GALNT14: variants seen among roughly 807,000 people sequenced by gnomAD.
GALNT14 encodes the protein polypeptide N-acetylgalactosaminyltransferase 14, also known as UDP-GalNAc:polypeptide N-acetylgalactosaminyltransferase 14.
Under a neutral mutation model 77.5 loss-of-function variants are expected in GALNT14, and 60 were observed. The observed-to-expected ratio is 0.77, with a 90% CI of 0.63 to 0.96. The LOEUF is 0.96. Among genes scored for constraint, GALNT14 ranks in the 40% least tolerant of loss-of-function variants. The pLI is 0.00. For missense variants in GALNT14, 710 were observed against 731.0 expected (o/e 0.97, Z 0.33); for synonymous variants, 280 against 281.7 (o/e 0.99, Z 0.06).
chr2:30,989,594 ATTAGTAGATAT>A (rs1558471234), intron 2 of GALNT14, among the ~76,000 whole-genome samples: 4 of 129,124 alleles, frequency 3.1e-5, no homozygotes, highest in African/African-American at 1.1e-4. Context: ...AAATATATAT[ATTAGTAGATAT>A]ATAAAAATAT....
intron 10 of GALNT14, among the ~76,000 whole-genome samples, chr2:30,930,886 C>T (rs1665686152): frequency 6.6e-6 from 1 of 152,360 alleles, no homozygotes; most frequent in Admixed American, 6.5e-5. Context: ...ACGGAATGAC[C>T]TACCAGTGTC....
At chr2:30,979,147 T>C (rs1467539491) in intron 2 of GALNT14, among the ~76,000 whole-genome samples, 2 of 152,236 alleles carry the variant, frequency 1.3e-5, no homozygotes, top group African/African-American at 4.8e-5. Flanking sequence ...GGAGTGATCC[T>C]TCTGCATTTA....
intron 3 of GALNT14, among the ~76,000 whole-genome samples, chr2:30,962,099 C>T (rs1246109272): frequency 6.6e-6 from 1 of 152,192 alleles, no homozygotes; most frequent in Non-Finnish European, 1.5e-5. Context: ...TAGAACTCTG[C>T]TGTCTGCCAG....
intron 10 of GALNT14, among the ~76,000 whole-genome samples, chr2:30,930,398 T>G (rs187971784): frequency 1.3e-5 from 2 of 152,348 alleles, no homozygotes; most frequent in Non-Finnish European, 2.9e-5. Flanking sequence ...GTAATCAGGC[T>G]TCTCTTTCCA....
chr2:31,028,196 G>A (rs1486510197), intron 1 of GALNT14, among the ~76,000 whole-genome samples: 1 of 152,206 alleles, frequency 6.6e-6, no homozygotes, highest in Non-Finnish European at 1.5e-5. Flanking sequence ...GCTCAGGTGA[G>A]GTTGCTTGGC....
chr2:31,001,529 G>T (rs144860321), intron 1 of GALNT14, among the ~76,000 whole-genome samples: 3 of 152,254 alleles, frequency 2.0e-5, no homozygotes, highest in Non-Finnish European at 2.9e-5. Flanking sequence ...TTGTACCCTG[G>T]CTCCCAGAAG....
intron 4 of GALNT14, among the ~76,000 whole-genome samples, chr2:30,956,857 G>A (rs778039075): frequency 6.6e-6 from 1 of 152,164 alleles, no homozygotes; most frequent in Non-Finnish European, 1.5e-5. Context: ...AATTTAGTAG[G>A]TCTGGTAAAA....
At chr2:30,938,617 C>T (rs1017497519) in intron 9 of GALNT14, among the ~76,000 whole-genome samples, 1 of 152,230 alleles carries the variant, frequency 6.6e-6, no homozygotes, top group Admixed American at 6.5e-5. Flanking sequence ...AACTATTCAG[C>T]TCACCTTAGA....
chr2:30,911,189 C>G, intron 14 of GALNT14, 130 bp from the exon 15 acceptor site: 2 of 751,190 alleles, frequency 2.7e-6, no homozygotes, highest in Admixed American at 2.9e-5. Flanking sequence ...TTCATAAGCA[C>G]TAAAACTGCA....
chr2:31,092,095 C>G (rs1676773878), intron 1 of GALNT14, among the ~76,000 whole-genome samples: 1 of 152,086 alleles, frequency 6.6e-6, no homozygotes, highest in Non-Finnish European at 1.5e-5. Flanking sequence ...AGTGGTTCGC[C>G]TGGAGCTCTC....
chr2:30,890,204 T>G, the GALNT14 span, among the ~76,000 whole-genome samples: 1 of 152,286 alleles, frequency 6.6e-6, no homozygotes, highest in East Asian at 1.9e-4. Flanking sequence ...TGATTTGATT[T>G]GAGTTTTATT....
intron 1 of GALNT14, among the ~76,000 whole-genome samples, chr2:31,084,581 A>T (rs1469099470): frequency 6.6e-6 from 1 of 152,188 alleles, no homozygotes; most frequent in Admixed American, 6.5e-5. Context: ...TGCTAAGGGA[A>T]GCATGGGTGC....
intron 10 of GALNT14, 22 bp downstream of exon 10, chr2:30,932,046 C>T (rs368072213): frequency 8.8e-5 from 131 of 1,493,020 alleles, no homozygotes; most frequent in East Asian, 3.6e-4. Flanking sequence ...TGCCCACCCG[C>T]GCTGAGCCCC....
At chr2:31,066,630 G>C (rs1441791523) in intron 1 of GALNT14, among the ~76,000 whole-genome samples, 1 of 152,090 alleles carries the variant, frequency 6.6e-6, no homozygotes, top group Non-Finnish European at 1.5e-5. Flanking sequence ...CCAGTGGAAA[G>C]ATAAACCTGA....
At chr2:31,013,185 G>C (rs1671145499) in intron 1 of GALNT14, among the ~76,000 whole-genome samples, 1 of 152,280 alleles carries the variant, frequency 6.6e-6, no homozygotes, top group East Asian at 1.9e-4. Flanking sequence ...TGTATAGAAA[G>C]AGCAAAGGTG....
chr2:30,911,977 C>G (rs1408449463), intron 14 of GALNT14, among the ~76,000 whole-genome samples: 1 of 152,208 alleles, frequency 6.6e-6, no homozygotes. Context: ...GATGACTGGG[C>G]ATGGTGTGGT....
chr2:30,958,377 A>G lies in GALNT14; in HGVS notation c.466+20T>C. On this transcript the variant is annotated intron_variant, in intron 4 of 14. Transcript: ENST00000349752. The stretch of plus-strand genomic sequence containing the variant: ...GAACAGACATTCGTGTCTAAAGAGC[A>G]AGTGAGCAACATGACTTACGGTCAT... 6.2e-7 allele frequency: 1 copy of G among 1,608,210 alleles called. No homozygotes were observed. The highest frequency in any genetic ancestry group is 8.5e-7 in the Non-Finnish European group (1 of 1,174,670).
the GALNT14 span, among the ~76,000 whole-genome samples, chr2:30,890,314 C>T: frequency 5.1e-4 from 78 of 152,286 alleles, no homozygotes; most frequent in East Asian, 1.7e-3. Context: ...TACTGAGAAA[C>T]GCGAAGAAAT....
At chr2:30,893,662 C>A in the GALNT14 span, among the ~76,000 whole-genome samples, 2 of 151,928 alleles carry the variant, frequency 1.3e-5, no homozygotes, top group Non-Finnish European at 2.9e-5. Flanking sequence ...AGGTAAATGC[C>A]AGGGGCAGGA....
Sources: gnomAD v4.1 joint callset for allele counts (sites outside exome capture counted in the v4.1 genomes callset) on GRCh38, gnomAD v4.1.1 for gene constraint, MANE v1.5 for transcripts, NCBI Gene and HGNC (gene_info 2026-07-23, HGNC 2026-07-21) for gene names.